The following ZC4H2 variants were observed in gnomAD, a reference collection of about 807,000 sequenced individuals.
ZC4H2 encodes zinc finger C4H2-type containing.
For missense variants in ZC4H2, 137 were observed against 173.9 expected (o/e 0.79, Z 1.19); for synonymous variants, 84 against 66.3 (o/e 1.27, Z -1.30).
chrX:65,001,626 C>T lies in ZC4H2; in HGVS notation c.-272+33003G>A, dbSNP rs184409070. Among the ~76,000 whole-genome samples, 233 of 111,250 alleles carry T rather than the reference C, an allele frequency of 2.1e-3. 1 individual carries two copies. The highest frequency in any genetic ancestry group is 3.4e-3 in the Non-Finnish European group (181 of 53,028). ...CTTAAATGTAAACGGGTTAAATGCC[C>T]CAATTAAAAGAAACAGAATGGCAAA... On this transcript the variant is annotated intron_variant, in intron 1 of 4. Transcript: ENST00000337990.
chrX:64,945,866 T>C (rs1930503805), intron 1 of ZC4H2, among the ~76,000 whole-genome samples: 1 of 111,101 alleles, frequency 9.0e-6, no homozygotes, highest in South Asian at 3.8e-4. Flanking sequence ...TCCTGGTGGC[T>C]TTGTTTACAC....
At chrX:65,002,541 C>T (rs1359676352) in intron 1 of ZC4H2, among the ~76,000 whole-genome samples, 1 of 111,109 alleles carries the variant, frequency 9.0e-6, no homozygotes, top group African/African-American at 3.3e-5. Context: ...GCCCGGCCGC[C>T]ACCCCGTCTG....
intron 1 of ZC4H2, among the ~76,000 whole-genome samples, chrX:64,954,562 A>G (rs1602416205): frequency 9.5e-6 from 1 of 104,828 alleles, no homozygotes; most frequent in African/African-American, 3.6e-5. Flanking sequence ...TTCCACAGTT[A>G]GTTGCTTAAT....
At chrX:64,975,791 A>C (rs1931927287) in intron 1 of ZC4H2, among the ~76,000 whole-genome samples, 2 of 110,918 alleles carry the variant, frequency 1.8e-5, no homozygotes, top group Non-Finnish European at 1.9e-5. Context: ...GGAAGGAAGA[A>C]AGTGGCGAGT....
At chrX:64,980,858 A>G (rs1205578128), upstream of ZC4H2, among the ~76,000 whole-genome samples, 1 of 110,549 alleles carries the variant, frequency 9.0e-6, no homozygotes. Flanking sequence ...GACAATAATG[A>G]CAGAAAAGAA....
chrX:64,933,685 AGT>A lies in ZC4H2; in HGVS notation c.54-11699_54-11698del, dbSNP rs1300357647. 3.6e-5 allele frequency among the ~76,000 whole-genome samples: 4 copies of A among 111,004 alleles called. No individual in the cohort carries two copies. The East Asian group carries it at 1.1e-3, about 31-fold the overall frequency. On this transcript the variant is annotated intron_variant, in intron 1 of 4. Transcript: ENST00000374839. ...TCCCAGATGATGGTTTTAGTAGTTA[AGT>A]TCTTGGTGTGTGGGCAAGTTCACTG...
chrX:64,952,098 A>C (rs1930872067), intron 1 of ZC4H2, among the ~76,000 whole-genome samples: 1 of 110,839 alleles, frequency 9.0e-6, no homozygotes, highest in South Asian at 3.8e-4. Context: ...TTTGTCAAAG[A>C]TCAGATAGTT....
intron 3 of ZC4H2, 118 bp downstream of exon 3, chrX:64,919,963 C>A: frequency 1.2e-6 from 1 of 803,177 alleles, no homozygotes; most frequent in Non-Finnish European, 1.7e-6. Flanking sequence ...AAACTAGGCA[C>A]TCTGACTTTC....
intron 1 of ZC4H2, among the ~76,000 whole-genome samples, chrX:64,946,950 G>T (rs748089413): frequency 2.7e-5 from 3 of 110,647 alleles, no homozygotes; most frequent in Non-Finnish European, 3.8e-5. Flanking sequence ...TTGTTTTAAG[G>T]CATCTCTTCT....
rs1008561449 is a variant in ZC4H2, at chrX:64,917,879, G to A, written c.579C>T (p.His193=). Residue 193 remains histidine, a synonymous_variant, in exon 5 of 5, where the codon CAC becomes CAT. Transcript: ENST00000374839. ...TAGGTGCATTCCGGTGAATTTGCTG[G>A]TGACATGACAAGCAGGCCTGGTGAG... The part of the protein sequence containing the change: ...PPPMKACLSC[H]QQIHRNAPIC... 7.5e-5 allele frequency: 90 copies of A among 1,207,937 alleles called. No homozygotes were observed. Among genetic ancestry groups the A allele is most frequent in the Non-Finnish European group, 1.0e-4 (89 of 894,339 alleles).
intron 1 of ZC4H2, among the ~76,000 whole-genome samples, chrX:65,032,552 T>C (rs765030924): frequency 1.8e-5 from 2 of 112,021 alleles, no homozygotes; most frequent in East Asian, 2.8e-4. Context: ...GTCTTCCACA[T>C]TGGTTCCAGC....
intron 1 of ZC4H2, among the ~76,000 whole-genome samples, chrX:64,929,855 C>A (rs1602389894): frequency 9.0e-6 from 1 of 111,473 alleles, no homozygotes; most frequent in African/African-American, 3.3e-5. Flanking sequence ...CATGTGGGCT[C>A]TCTTTTGGTT....
intron 1 of ZC4H2, among the ~76,000 whole-genome samples, chrX:64,929,786 T>C (rs922635344): frequency 1.8e-5 from 2 of 112,146 alleles, no homozygotes; most frequent in Admixed American, 9.5e-5. Context: ...GTAGTATAAT[T>C]TGATGTCGGG....
At chrX:65,006,385 A>T (rs751319929) in intron 1 of ZC4H2, among the ~76,000 whole-genome samples, 1 of 111,638 alleles carries the variant, frequency 9.0e-6, no homozygotes, top group Non-Finnish European at 1.9e-5. Context: ...AGCAATAAAA[A>T]AGGATGAGTT....
intron 1 of ZC4H2, among the ~76,000 whole-genome samples, chrX:64,949,674 C>T (rs1270375578): frequency 9.0e-6 from 1 of 111,643 alleles, no homozygotes; most frequent in Non-Finnish European, 1.9e-5. Context: ...GTTTGTATTT[C>T]TGTGGGATTG....
intron 1 of ZC4H2, among the ~76,000 whole-genome samples, chrX:64,952,543 A>C (rs1930906213): frequency 9.0e-6 from 1 of 111,155 alleles, no homozygotes; most frequent in Non-Finnish European, 1.9e-5. Flanking sequence ...CAGAGAGCCA[A>C]ATCATGAGTG....
chrX:64,948,077 G>T (rs1310453141), intron 1 of ZC4H2, among the ~76,000 whole-genome samples: 2 of 111,367 alleles, frequency 1.8e-5, no homozygotes, highest in African/African-American at 3.3e-5. Context: ...CAAGGTAACT[G>T]CAAGGACCCA....
At chrX:65,033,007 C>T (rs1272451095) in intron 1 of ZC4H2, among the ~76,000 whole-genome samples, 6 of 111,570 alleles carry the variant, frequency 5.4e-5, no homozygotes, top group African/African-American at 1.6e-4. Context: ...GAACTCCTGA[C>T]GTCAGGTGAT....
chrX:64,933,681 G>C lies in ZC4H2; in HGVS notation c.54-11693C>G, dbSNP rs1326193792. On this transcript the variant is annotated intron_variant, in intron 1 of 4. Transcript: ENST00000374839. ...GCTTTCCCAGATGATGGTTTTAGTA[G>C]TTAAGTTCTTGGTGTGTGGGCAAGT... Among the ~76,000 whole-genome samples the C allele has an allele frequency of 3.6e-5, 4 of 111,190 alleles. No individual in the cohort carries two copies. The East Asian group carries it at 1.1e-3, about 31-fold the overall frequency.
Sources: allele counts gnomAD v4.1 joint callset (sites outside exome capture counted in the v4.1 genomes callset), GRCh38; gene constraint gnomAD v4.1.1; transcripts MANE v1.5; gene names NCBI Gene and HGNC (gene_info 2026-07-23, HGNC 2026-07-21).